The following SSH1 variants were observed in gnomAD, a reference collection of about 807,000 sequenced individuals.
SSH1 encodes the protein protein phosphatase Slingshot homolog 1.
SSH1 carries 43 observed loss-of-function variants against 79.7 expected under a neutral mutation model. The ratio of observed to expected loss-of-function variants is 0.54; its 90% CI spans 0.42 to 0.70. SSH1 has a LOEUF of 0.70. SSH1 is among the 30% of genes least tolerant of loss of function. SSH1 has a pLI of 0.00. For missense variants in SSH1, 1,206 were observed against 1,358.8 expected (o/e 0.89, Z 1.77); for synonymous variants, 599 against 538.3 (o/e 1.11, Z -1.56).
At chr12:108,846,878 T>C (rs1286447726) in intron 2 of SSH1, among the ~76,000 whole-genome samples, 1 of 151,740 alleles carries the variant, frequency 6.6e-6, no homozygotes, top group Non-Finnish European at 1.5e-5. Context: ...CCAAGCCCAC[T>C]GTGGACCTGA....
At chr12:108,810,826 T>G (rs1185100645) in intron 6 of SSH1, among the ~76,000 whole-genome samples, 2 of 152,168 alleles carry the variant, frequency 1.3e-5, no homozygotes, top group Non-Finnish European at 2.9e-5. Flanking sequence ...GCCCCCAGGG[T>G]GGCGCTTGAA....
intron 13 of SSH1, among the ~76,000 whole-genome samples, chr12:108,793,987 GGTCA>G (rs2036630293): frequency 6.6e-6 from 1 of 152,174 alleles, no homozygotes; most frequent in South Asian, 2.1e-4. Flanking sequence ...CTCAGGGAGA[GGTCA>G]GTGAGATGCT....
chr12:108,805,273 C>T (rs1025304044), intron 9 of SSH1, 89 bp from the exon 10 acceptor site: 4 of 1,465,792 alleles, frequency 2.7e-6, no homozygotes, highest in African/African-American at 2.8e-5. Flanking sequence ...GGAAACTGTG[C>T]CTATTTCCAA....
In SSH1 at chr12:108,788,799, T is replaced by C. The variant is rs1453113544; in HGVS notation, c.2339A>G (p.Lys780Arg). 3 of 1,614,260 alleles carry C rather than the reference T, an allele frequency of 1.9e-6. No individual in the cohort carries two copies. Among genetic ancestry groups the C allele is most frequent in the Non-Finnish European group, 2.5e-6 (3 of 1,180,036 alleles). ...EVVIKEESSP[K>R]KDMKPAKDLR... ...GTCCTTGGCTGGCTTCATATCTTTC[T>C]TGGGTGACGATTCTTCCTTTATTAC... The change falls in exon 15 of 15, where the codon AAG (lysine) becomes AGG (arginine). Residue 780 changes from lysine to arginine, a missense_variant. By Grantham distance (26) the Lys-to-Arg change is conservative. Transcript: ENST00000326495.
intron 9 of SSH1, among the ~76,000 whole-genome samples, chr12:108,805,878 T>A (rs2037244885): frequency 6.6e-6 from 1 of 152,204 alleles, no homozygotes. Context: ...TAGAATTTGA[T>A]ACTTGCAGGT....
chr12:108,851,256 G>A (rs745635575), intron 2 of SSH1, among the ~76,000 whole-genome samples: 23 of 152,036 alleles, frequency 1.5e-4, no homozygotes, highest in African/African-American at 4.3e-4. Flanking sequence ...CATGTGTGCC[G>A]TAATAAAAGT....
intron 10 of SSH1, among the ~76,000 whole-genome samples, chr12:108,804,439 C>G (rs1017599239): frequency 6.6e-6 from 1 of 152,228 alleles, no homozygotes; most frequent in South Asian, 2.1e-4. Flanking sequence ...CAGTTGCCTT[C>G]TATGGATATT....
chr12:108,795,369 C>T (rs562299216), intron 13 of SSH1, among the ~76,000 whole-genome samples: 1 of 152,102 alleles, frequency 6.6e-6, no homozygotes, highest in South Asian at 2.1e-4. Flanking sequence ...CGTGCCTCAG[C>T]CTCCTGAGTA....
Position 108,780,845 on chromosome 12 carries a change from C to T in SSH1, c.*7143G>A, listed in dbSNP as rs58921770. On this transcript the variant is annotated 3_prime_UTR_variant, in exon 15 of 15. Transcript: ENST00000326495. ...CCTGAGGTTGGGAGTTTGAGAACAGCCTGACCAACATGGAGAAACCCCATT... is the reference window on the plus strand; with the variant it reads ...CCTGAGGTTGGGAGTTTGAGAACAGTCTGACCAACATGGAGAAACCCCATT... 14,706 of 151,816 alleles carry T rather than the reference C, an allele frequency of 0.097. 1,383 individuals carry two copies. The highest frequency in any genetic ancestry group is 0.24 in the African/African-American group (10,044 of 41,342). The allele number at this position is 151,816 out of a possible 1,614,324, so 9.4% of individuals were successfully genotyped here.
chr12:108,793,797 G>C (rs1244299840), intron 13 of SSH1, among the ~76,000 whole-genome samples: 2 of 152,222 alleles, frequency 1.3e-5, no homozygotes, highest in Non-Finnish European at 2.9e-5. Context: ...CAGTATCACA[G>C]GCTTGCGAGG....
In SSH1 at chr12:108,841,814, C is replaced by CA. The variant is rs201649149; in HGVS notation, c.110+10823dup. ...CAGAGCAAGTCTCCATCCCCCCCCACAAAAAAAAAGTATATATGTGTGTGT... is the reference window on the plus strand; with the variant it reads ...CAGAGCAAGTCTCCATCCCCCCCCACAAAAAAAAAAGTATATATGTGTGTGT... On this transcript the variant is annotated intron_variant, in intron 2 of 14. Transcript: ENST00000326495. Among the ~76,000 whole-genome samples, 8 of 143,048 alleles carry CA rather than the reference C, an allele frequency of 5.6e-5. No individual in the cohort carries two copies. In the East Asian group the frequency reaches 6.4e-4, roughly 11 times the overall value. The allele number at this position is 143,048 out of a possible 152,430, so 93.8% of individuals were successfully genotyped here.
At chr12:108,834,734 G>T (rs950437761) in intron 2 of SSH1, among the ~76,000 whole-genome samples, 1 of 152,162 alleles carries the variant, frequency 6.6e-6, no homozygotes, top group African/African-American at 2.4e-5. Context: ...TTACTAACTA[G>T]TGGTGAAGCC....
intron 14 of SSH1, among the ~76,000 whole-genome samples, chr12:108,790,507 C>T (rs1411139937): frequency 1.3e-5 from 2 of 152,184 alleles, no homozygotes; most frequent in African/African-American, 2.4e-5. Flanking sequence ...TGGTCTCAAA[C>T]TCCTGACCTC....
chr12:108,815,469 A>G (rs149675102), intron 5 of SSH1, among the ~76,000 whole-genome samples: 1 of 152,358 alleles, frequency 6.6e-6, no homozygotes, highest in East Asian at 1.9e-4. Context: ...AACAGGCCAC[A>G]CTTGCGAGGG....
At position 108,807,719 on chromosome 12, in the gene SSH1, G is replaced by A; in HGVS notation, c.645C>T (p.Ser215=). The part of the protein sequence containing the change: ...IWATYYESCI[S]SEQSCINEWN... ...ACTCGTTGATGCAGCTCTGCTCGGA[G>A]CTGATGCAGCTCTCATAGTAGGTAG... Residue 215 remains serine (S), a synonymous_variant, in exon 8 of 15, where the codon AGC becomes AGT. Transcript: ENST00000326495. The surrounding 1 kb of genome is among the most constrained non-coding windows in gnomAD (Gnocchi z 5.2). The A allele has an allele frequency of 6.2e-7, 1 of 1,613,416 alleles. No individual in the cohort carries two copies. The highest frequency in any genetic ancestry group is 8.5e-7 in the Non-Finnish European group (1 of 1,179,588).
intron 5 of SSH1, 117 bp from the exon 6 acceptor site, chr12:108,811,445 G>A (rs2037591745): frequency 2.3e-6 from 2 of 861,680 alleles, no homozygotes; most frequent in Admixed American, 1.8e-5. Context: ...GGAGTAGGCT[G>A]TCTGCATAGG....
At chr12:108,850,999 C>A (rs1008721063) in intron 2 of SSH1, among the ~76,000 whole-genome samples, 4 of 152,078 alleles carry the variant, frequency 2.6e-5, no homozygotes, top group Non-Finnish European at 4.4e-5. Context: ...CCCAGACAGT[C>A]TGATCTGCAA....
At chr12:108,808,179 C>G (rs1437627975) in intron 7 of SSH1, among the ~76,000 whole-genome samples, 1 of 152,224 alleles carries the variant, frequency 6.6e-6, no homozygotes, top group Non-Finnish European at 1.5e-5. Flanking sequence ...CTCAAGTGAT[C>G]TGCCCGCCTC....
intron 9 of SSH1, 75 bp from the exon 10 acceptor site, chr12:108,805,259 C>T (rs2037215825): frequency 6.5e-7 from 1 of 1,544,804 alleles, no homozygotes; most frequent in Non-Finnish European, 8.9e-7. Context: ...ATTAAAGTTA[C>T]AATGGAAACT....
Sources: gnomAD v4.1 joint callset for allele counts (sites outside exome capture counted in the v4.1 genomes callset) on GRCh38, gnomAD v4.1.1 for gene constraint, Gnocchi (gnomAD v3.1) non-coding constraint, MANE v1.5 for transcripts, NCBI Gene and HGNC (gene_info 2026-07-23, HGNC 2026-07-21) for gene names.